COL4A5: variants seen among roughly 807,000 people sequenced by gnomAD.
The protein encoded by COL4A5 is collagen alpha-5(IV) chain.
In COL4A5, 26 loss-of-function variants were observed where a neutral mutation model predicts 130.2. That is an observed-to-expected ratio of 0.20 (90% CI 0.15 to 0.28). COL4A5 has a LOEUF of 0.28. Among genes scored for constraint, COL4A5 ranks in the 10% least tolerant of loss-of-function variants. COL4A5 has a pLI of 1.00. For missense variants in COL4A5, 1,131 were observed against 1,344.3 expected (o/e 0.84, Z 2.48); for synonymous variants, 496 against 439.6 (o/e 1.13, Z -1.60).
intron 29 of COL4A5, among the ~76,000 whole-genome samples, chrX:108,610,242 G>A (rs1027524412): frequency 1.8e-5 from 2 of 110,602 alleles, no homozygotes; most frequent in African/African-American, 6.6e-5. Flanking sequence ...GAAGGAACCC[G>A]ACTTCCCTCG....
chrX:108,493,381 G>A (rs2065008386), intron 1 of COL4A5, among the ~76,000 whole-genome samples: 1 of 111,697 alleles, frequency 9.0e-6, no homozygotes, highest in Non-Finnish European at 1.9e-5. Flanking sequence ...AAAGAGAAAA[G>A]TAATAATTTT....
chrX:108,441,003 A>G (rs777341306), intron 1 of COL4A5, among the ~76,000 whole-genome samples: 29 of 111,574 alleles, frequency 2.6e-4, no homozygotes, highest in Non-Finnish European at 4.3e-4. Flanking sequence ...AGTTTAAAGG[A>G]AAGTGGGGGA....
At chrX:108,690,617 A>G (rs982594036) in intron 49 of COL4A5, among the ~76,000 whole-genome samples, 5 of 111,461 alleles carry the variant, frequency 4.5e-5, no homozygotes, top group African/African-American at 1.6e-4. Context: ...ACTTTAGCAG[A>G]TGTGCTTTGG....
chrX:108,668,443 G>A lies in COL4A5; in HGVS notation c.3729G>A (p.Pro1243=). Residue 1243 remains proline (P), a synonymous_variant, in exon 41 of 53, where the codon CCG becomes CCA. Transcript: ENST00000328300. The part of the protein sequence containing the change: ...VQGPPGPPGS[P]GPALEGPKGN... ...GTCCCCCAGGCCCTCCTGGTTCTCC[G>A]GGTCCAGCTCTGGAAGGACCTAAAG... 1 of 1,209,142 alleles carries A rather than the reference G, an allele frequency of 8.3e-7. No individual in the cohort carries two copies. Among genetic ancestry groups the A allele is most frequent in the Non-Finnish European group, 1.1e-6 (1 of 894,544 alleles).
chrX:108,522,978 A>G (rs775718635), intron 1 of COL4A5, among the ~76,000 whole-genome samples: 16 of 107,915 alleles, frequency 1.5e-4, no homozygotes, highest in African/African-American at 5.1e-4. Context: ...CCCGGGTTCA[A>G]GTGATTCTCC....
chrX:108,571,528 G>C, intron 7 of COL4A5, 62 bp downstream of exon 7: 1 of 833,836 alleles, frequency 1.2e-6, no homozygotes, highest in South Asian at 2.0e-5. Context: ...CAGAAATGTA[G>C]TGAGAGAGCC....
At chrX:108,457,597 G>C (rs2064596583) in intron 1 of COL4A5, among the ~76,000 whole-genome samples, 1 of 110,910 alleles carries the variant, frequency 9.0e-6, no homozygotes, top group Non-Finnish European at 1.9e-5. Flanking sequence ...TGTTTATATT[G>C]AGTAAAATTC....
chrX:108,451,005 C>G (rs921040090), intron 1 of COL4A5, among the ~76,000 whole-genome samples: 1 of 105,040 alleles, frequency 9.5e-6, no homozygotes, highest in Non-Finnish European at 2.0e-5. Context: ...TCCCCCCACC[C>G]CTCAACAGTC....
chrX:108,676,572 T>A (rs1156552569), intron 43 of COL4A5, among the ~76,000 whole-genome samples: 2 of 112,297 alleles, frequency 1.8e-5, no homozygotes, highest in Non-Finnish European at 3.8e-5. Context: ...ACAGAATTCT[T>A]TATTTTTCTT....
rs1227251625 is a variant in COL4A5, at chrX:108,696,574, A to C, written c.*196A>C. The C allele has an allele frequency of 1.3e-5, 4 of 309,098 alleles. No individual in the cohort carries two copies. The highest frequency in any genetic ancestry group is 1.1e-4 in the African/African-American group (4 of 36,878). 25.5% of individuals were successfully genotyped at this position (309,098 alleles called of 1,213,427 possible). On this transcript the variant is annotated 3_prime_UTR_variant, in exon 53 of 53. Transcript: ENST00000328300. ...AGCAATGCGCCAGAGCAAAGTCTCT[A>C]TTATTTTTCTACTAAAGAAATAAGG... is the stretch of plus-strand genomic sequence containing the variant.
chrX:108,660,906 A>G (rs1386205109), intron 37 of COL4A5, among the ~76,000 whole-genome samples: 4 of 112,085 alleles, frequency 3.6e-5, no homozygotes, highest in African/African-American at 1.3e-4. Flanking sequence ...AAAATTTCCT[A>G]TCACCACGTG....
At chrX:108,472,898 A>C (rs1210741400) in intron 1 of COL4A5, among the ~76,000 whole-genome samples, 3 of 112,138 alleles carry the variant, frequency 2.7e-5, no homozygotes, top group African/African-American at 9.7e-5. Context: ...ACAGTATATA[A>C]GGGCTCCCTT....
At chrX:108,440,264 T>A in intron 1 of COL4A5, 58 bp downstream of exon 1, 1 of 768,538 alleles carries the variant, frequency 1.3e-6, no homozygotes, top group Non-Finnish European at 1.9e-6. Context: ...TGAAATTACC[T>A]TTTTTTTGGG....
chrX:108,675,881 A>T (rs1041118629), intron 43 of COL4A5, among the ~76,000 whole-genome samples: 3 of 112,095 alleles, frequency 2.7e-5, no homozygotes, highest in Non-Finnish European at 5.6e-5. Context: ...TATCTCATTT[A>T]ATCCTTGGAA....
intron 1 of COL4A5, among the ~76,000 whole-genome samples, chrX:108,456,207 G>A (rs2064583425): frequency 9.0e-6 from 1 of 110,794 alleles, no homozygotes; most frequent in South Asian, 3.8e-4. Context: ...ATTCTAAATG[G>A]TATCATTTTT....
chrX:108,521,507 G>T (rs759490235), intron 1 of COL4A5, among the ~76,000 whole-genome samples: 1 of 111,131 alleles, frequency 9.0e-6, no homozygotes, highest in South Asian at 3.8e-4. Flanking sequence ...TAAAATATAT[G>T]GATTCCCTAA....
At chrX:108,611,469 A>G (rs2066833769) in intron 29 of COL4A5, among the ~76,000 whole-genome samples, 1 of 111,217 alleles carries the variant, frequency 9.0e-6, no homozygotes, top group African/African-American at 3.3e-5. Flanking sequence ...TGTTGAAAGA[A>G]ATACAAAAGT....
chrX:108,485,648 G>A (rs757769048), intron 1 of COL4A5, among the ~76,000 whole-genome samples: 76 of 110,119 alleles, frequency 6.9e-4, no homozygotes, highest in African/African-American at 2.4e-3. Flanking sequence ...TCTGACTGGA[G>A]CCCTATCCTA....
Position 108,696,564 on chromosome X carries a change from CAA to C in COL4A5, c.*188_*189del. On this transcript the variant is annotated 3_prime_UTR_variant, in exon 53 of 53. Coordinates refer to ENST00000328300, the MANE Select transcript of COL4A5 (RefSeq NM_033380.3). ...GATGTACCTCAGCAATGCGCCAGAGCAAAGTCTCTATTATTTTTCTACTAAAG... is the reference window on the plus strand; with the variant it reads ...GATGTACCTCAGCAATGCGCCAGAGCAGTCTCTATTATTTTTCTACTAAAG... 1 of 327,144 alleles carries C rather than the reference CAA, an allele frequency of 3.1e-6. No homozygotes were observed. 27.0% of individuals were successfully genotyped at this position (327,144 alleles called of 1,213,427 possible).
Sources: gnomAD v4.1 joint callset for allele counts (sites outside exome capture counted in the v4.1 genomes callset) on GRCh38, gnomAD v4.1.1 for gene constraint, MANE v1.5 for transcripts, NCBI Gene and HGNC (gene_info 2026-07-23, HGNC 2026-07-21) for gene names.